Variants in TBC1D22A observed in about 807,000 individuals in gnomAD.
The protein encoded by TBC1D22A is TBC1 domain family member 22A, also known as putative GTPase activator.
TBC1D22A carries 38 observed loss-of-function variants against 60.2 expected under a neutral mutation model. That is an observed-to-expected ratio of 0.63 (90% CI 0.49 to 0.83). TBC1D22A has a LOEUF of 0.83. Ranked by LOEUF, TBC1D22A falls within the 40% of genes least tolerant of loss-of-function variation. The pLI is 0.00. For synonymous variants in TBC1D22A, 302 were observed against 281.7 expected, an observed-to-expected ratio of 1.07 and a Z score of -0.72; for missense variants, 628 against 701.0, an observed-to-expected ratio of 0.90 and a Z score of 1.18.
intron 4 of TBC1D22A, among the ~76,000 whole-genome samples, chr22:46,875,074 T>C (rs370642621): frequency 6.6e-6 from 1 of 152,172 alleles, no homozygotes; most frequent in Admixed American, 6.5e-5. Context: ...CTAGGAGAAA[T>C]GGAGACATAC....
At chr22:47,096,579 T>C (rs2065180504) in intron 11 of TBC1D22A, among the ~76,000 whole-genome samples, 2 of 152,160 alleles carry the variant, frequency 1.3e-5, no homozygotes. Context: ...CCCAGCACTT[T>C]GGGGGGCCGA....
intron 11 of TBC1D22A, among the ~76,000 whole-genome samples, chr22:47,089,004 G>T (rs139921373): frequency 6.6e-6 from 1 of 152,266 alleles, no homozygotes; most frequent in African/African-American, 2.4e-5. Flanking sequence ...AAACTAGCCA[G>T]AACTAGAGTG....
At chr22:46,901,708 T>TG (rs11285556) in intron 7 of TBC1D22A, among the ~76,000 whole-genome samples, 95 of 151,832 alleles carry the variant, frequency 6.3e-4, no homozygotes, top group African/African-American at 1.7e-3. Flanking sequence ...ATAACTCACA[T>TG]GGGGGGGGGA....
intron 11 of TBC1D22A, among the ~76,000 whole-genome samples, chr22:47,101,856 A>G (rs2065430172): frequency 6.6e-6 from 1 of 152,212 alleles, no homozygotes; most frequent in East Asian, 1.9e-4. Context: ...CCCATTGCAC[A>G]TGGCACATGG....
rs538786615 is a variant in TBC1D22A, at chr22:46,835,934, C to T, written c.637+38314C>T. Among the ~76,000 whole-genome samples the T allele has an allele frequency of 2.0e-5, 3 of 151,748 alleles. No homozygotes were observed. In the East Asian group the frequency reaches 5.8e-4, roughly 29 times the overall value. ...TCAGGAGTGAATGGGCTGATATATT[C>T]AAAGTAATGCAAGGAAAAAAAAAAC... On this transcript the variant is annotated intron_variant, in intron 4 of 12. Transcript: ENST00000337137.
At chr22:46,909,087 T>C (rs1384446127) in intron 7 of TBC1D22A, among the ~76,000 whole-genome samples, 1 of 152,116 alleles carries the variant, frequency 6.6e-6, no homozygotes, top group Non-Finnish European at 1.5e-5. Context: ...CTGGGTGAAG[T>C]TGGGTATGTC....
At chr22:46,967,546 A>G (rs2073861094) in intron 8 of TBC1D22A, among the ~76,000 whole-genome samples, 1 of 152,228 alleles carries the variant, frequency 6.6e-6, no homozygotes, top group Non-Finnish European at 1.5e-5. Context: ...TAACGGCAAT[A>G]GCTCCCTCCT....
chr22:46,940,406 G>A (rs149519026), intron 8 of TBC1D22A, among the ~76,000 whole-genome samples: 248 of 150,484 alleles, frequency 1.6e-3, no homozygotes, highest in Admixed American at 3.7e-3. Context: ...ACATATATAT[G>A]TATATACACA....
intron 9 of TBC1D22A, among the ~76,000 whole-genome samples, chr22:46,981,723 G>A (rs112412347): frequency 3.0e-4 from 46 of 152,312 alleles, no homozygotes; most frequent in African/African-American, 9.9e-4. Flanking sequence ...ATGCTGAACT[G>A]TGAGTCAGTT....
intron 3 of TBC1D22A, among the ~76,000 whole-genome samples, chr22:46,795,124 G>A (rs1034379228): frequency 1.3e-5 from 2 of 152,212 alleles, no homozygotes; most frequent in Non-Finnish European, 2.9e-5. Flanking sequence ...CTTTGAACTC[G>A]TAACTGGAAA....
At chr22:46,792,211 C>T (rs1007959393) in intron 1 of TBC1D22A, among the ~76,000 whole-genome samples, 5 of 152,246 alleles carry the variant, frequency 3.3e-5, no homozygotes, top group African/African-American at 1.2e-4. Flanking sequence ...CACTCCCAGA[C>T]ACCCTCATCA....
At chr22:47,105,841 T>G (rs1369415138) in intron 11 of TBC1D22A, among the ~76,000 whole-genome samples, 5 of 151,546 alleles carry the variant, frequency 3.3e-5, no homozygotes, top group Non-Finnish European at 7.4e-5. Context: ...GTCACTGAAG[T>G]ACAAGGAAGC....
intron 4 of TBC1D22A, among the ~76,000 whole-genome samples, chr22:46,804,046 TA>T (rs2085020197): frequency 6.6e-6 from 1 of 152,238 alleles, no homozygotes; most frequent in African/African-American, 2.4e-5. Flanking sequence ...ACTAGGTAAG[TA>T]ACTGACACTA....
intron 8 of TBC1D22A, among the ~76,000 whole-genome samples, chr22:46,940,079 A>G (rs971385501): frequency 6.6e-6 from 1 of 152,356 alleles, no homozygotes; most frequent in African/African-American, 2.4e-5. Flanking sequence ...TTCCCAGTCC[A>G]TATAAAAGTT....
At chr22:46,808,519 T>C (rs2085246654) in intron 4 of TBC1D22A, among the ~76,000 whole-genome samples, 1 of 151,906 alleles carries the variant, frequency 6.6e-6, no homozygotes, top group South Asian at 2.1e-4. Flanking sequence ...CATAGAGAGG[T>C]GAAGGATATC....
At chr22:46,895,719 A>G (rs1350140820) in intron 7 of TBC1D22A, among the ~76,000 whole-genome samples, 9 of 152,196 alleles carry the variant, frequency 5.9e-5, no homozygotes, top group Non-Finnish European at 1.2e-4. Flanking sequence ...ATCTAGTTAC[A>G]TAATAGTTTG....
At chr22:46,928,090 G>T (rs2071150286) in intron 8 of TBC1D22A, among the ~76,000 whole-genome samples, 2 of 150,424 alleles carry the variant, frequency 1.3e-5, no homozygotes, top group African/African-American at 4.9e-5. Context: ...AATTCATTTG[G>T]GAATTAAAAG....
chr22:46,783,848 A>G (rs1227093045), intron 1 of TBC1D22A, among the ~76,000 whole-genome samples: 1 of 152,090 alleles, frequency 6.6e-6, no homozygotes, highest in African/African-American at 2.4e-5. Context: ...AATTTTTTTT[A>G]TCTTTTTTAG....
At chr22:46,985,495 C>T (rs1242341310) in intron 9 of TBC1D22A, among the ~76,000 whole-genome samples, 1 of 152,170 alleles carries the variant, frequency 6.6e-6, no homozygotes. Flanking sequence ...AAGAATGAAT[C>T]ATTGAGCAGC....
Sources: allele counts gnomAD v4.1 joint callset (sites outside exome capture counted in the v4.1 genomes callset), GRCh38; gene constraint gnomAD v4.1.1; transcripts MANE v1.5; gene names NCBI Gene and HGNC (gene_info 2026-07-23, HGNC 2026-07-21).